The following FMNL2 variants were observed in gnomAD, a reference collection of about 807,000 sequenced individuals.
FMNL2 encodes formin like 2, also known as formin-like protein 2.
In FMNL2, 51 loss-of-function variants were observed where a neutral mutation model predicts 130.2. The observed-to-expected ratio is 0.39, with a 90% CI of 0.31 to 0.49. The LOEUF (loss-of-function observed/expected upper bound fraction) is 0.49, where lower values mean the gene tolerates loss of function less well. FMNL2 is among the 20% of genes least tolerant of loss of function. FMNL2 has a pLI of 0.85. For missense variants in FMNL2, 977 were observed against 1,316.2 expected (o/e 0.74, Z 3.99); for synonymous variants, 465 against 467.1 (o/e 1.00, Z 0.06).
At chr2:152,444,862 A>C (rs1378779284) in intron 1 of FMNL2, among the ~76,000 whole-genome samples, 1 of 152,246 alleles carries the variant, frequency 6.6e-6, no homozygotes, top group Non-Finnish European at 1.5e-5. Flanking sequence ...CATCAATATT[A>C]AAATGTTGCC....
intron 1 of FMNL2, among the ~76,000 whole-genome samples, chr2:152,366,223 C>A (rs1026039361): frequency 7.3e-6 from 1 of 136,858 alleles, no homozygotes; most frequent in Non-Finnish European, 1.5e-5. Context: ...AGAATGAGAA[C>A]AGTGAATTGA....
At chr2:152,569,909 G>A (rs1224960558) in intron 6 of FMNL2, among the ~76,000 whole-genome samples, 3 of 151,656 alleles carry the variant, frequency 2.0e-5, no homozygotes, top group South Asian at 4.2e-4. Context: ...TACTTGGGAG[G>A]CTGAGGCAGG....
In FMNL2 at chr2:152,647,035, G is replaced by A. The variant is rs183812440; in HGVS notation, c.3170-761G>A. Among the ~76,000 whole-genome samples the A allele has an allele frequency of 3.9e-5, 6 of 152,214 alleles. No homozygotes were observed. In the East Asian group the frequency reaches 9.6e-4, roughly 24 times the overall value. On this transcript the variant is annotated intron_variant, in intron 25 of 25. Transcript: ENST00000288670. Reference sequence around the variant, plus strand: ...TAACAAGGATTTTCTTATGCAGGAGGGCCCACACAACTACTTCTTGCTGAC... The same window carrying A: ...TAACAAGGATTTTCTTATGCAGGAGAGCCCACACAACTACTTCTTGCTGAC...
intron 1 of FMNL2, chr2:152,390,351 G>T: frequency 8.9e-7 from 1 of 1,126,828 alleles, no homozygotes. Context: ...CATTGAGGAT[G>T]GCAAGGTGGT....
Position 152,558,357 on chromosome 2 carries a change from C to G in FMNL2, c.360-383C>G, listed in dbSNP as rs565979310. Among the ~76,000 whole-genome samples the G allele has an allele frequency of 5.9e-5, 9 of 152,256 alleles. No homozygotes were observed. In the East Asian group the frequency reaches 1.7e-3, roughly 29 times the overall value. On this transcript the variant is annotated intron_variant, in intron 4 of 25. Coordinates refer to ENST00000288670, the MANE Select transcript of FMNL2 (RefSeq NM_052905.4). ...TTTTTGTGGTTATGTTGTCATGTCC[C>G]CCATCTGCCTCATTGTCCATAGTCT...
intron 9 of FMNL2, among the ~76,000 whole-genome samples, chr2:152,596,565 G>A (rs1181379220): frequency 1.3e-5 from 2 of 152,140 alleles, no homozygotes; most frequent in African/African-American, 4.8e-5. Flanking sequence ...AAATCACTGA[G>A]GTCCCTAAAG....
intron 1 of FMNL2, among the ~76,000 whole-genome samples, chr2:152,366,516 C>G (rs1354241253): frequency 6.6e-6 from 1 of 152,168 alleles, no homozygotes; most frequent in Non-Finnish European, 1.5e-5. Flanking sequence ...GCATTTGCCT[C>G]TGCTGAAGTG....
intron 4 of FMNL2, among the ~76,000 whole-genome samples, chr2:152,554,716 G>A (rs1695114139): frequency 6.6e-6 from 1 of 152,166 alleles, no homozygotes; most frequent in African/African-American, 2.4e-5. Flanking sequence ...AACAAATACT[G>A]TGTTGTCCTT....
intron 1 of FMNL2, among the ~76,000 whole-genome samples, chr2:152,461,973 G>A (rs1689274170): frequency 6.6e-6 from 1 of 151,828 alleles, no homozygotes. Context: ...ACTGCTCACT[G>A]CAGCCTCAAC....
intron 1 of FMNL2, among the ~76,000 whole-genome samples, chr2:152,448,338 T>C (rs1468248049): frequency 3.3e-5 from 5 of 152,190 alleles, no homozygotes; most frequent in Admixed American, 1.3e-4. Context: ...GAAGCAACTT[T>C]TAGGGAGTTG....
At chr2:152,439,079 T>TTG (rs10539703) in intron 1 of FMNL2, among the ~76,000 whole-genome samples, 36,443 of 144,364 alleles carry the variant, frequency 0.25, 4,540 homozygotes, top group East Asian at 0.47. Flanking sequence ...TTCAGTTTAA[T>TTG]TGTGTGTGTG....
At chr2:152,340,484 T>G (rs971102310) in intron 1 of FMNL2, among the ~76,000 whole-genome samples, 3 of 152,248 alleles carry the variant, frequency 2.0e-5, no homozygotes, top group Admixed American at 6.5e-5. Context: ...GCATCTTCAC[T>G]GTGCTCTTCT....
intron 10 of FMNL2, among the ~76,000 whole-genome samples, chr2:152,609,646 T>C (rs1000045503): frequency 2.0e-5 from 3 of 152,234 alleles, no homozygotes; most frequent in Non-Finnish European, 4.4e-5. Context: ...TTTTATTTTT[T>C]TATTTTTTTT....
Position 152,521,966 on chromosome 2 carries a change from C to T in FMNL2, c.141C>T (p.Asp47=), listed in dbSNP as rs1693119754. The T allele has an allele frequency of 6.2e-7, 1 of 1,612,812 alleles. No individual in the cohort carries two copies. The highest frequency in any genetic ancestry group is 1.1e-5 in the South Asian group (1 of 90,830). ...IVLNAMNLPP[D]KARLLRQYDN... Reference sequence around the variant, plus strand: ...AGAATGCTATGAACCTACCTCCTGACAAAGCCAGGTTACTGCGGCAGTATG... The same window carrying T: ...AGAATGCTATGAACCTACCTCCTGATAAAGCCAGGTTACTGCGGCAGTATG... Residue 47 remains aspartate, a synonymous_variant, in exon 2 of 26, where the codon GAC becomes GAT. Transcript: ENST00000288670.
intron 8 of FMNL2, among the ~76,000 whole-genome samples, chr2:152,580,632 C>T (rs934945992): frequency 6.6e-6 from 1 of 152,070 alleles, no homozygotes; most frequent in South Asian, 2.1e-4. Context: ...TTGTTTTTAG[C>T]GTACCAGTAA....
intron 1 of FMNL2, among the ~76,000 whole-genome samples, chr2:152,398,829 A>G (rs998775663): frequency 1.3e-5 from 2 of 152,250 alleles, no homozygotes; most frequent in East Asian, 1.9e-4. Flanking sequence ...AAGGCATAAC[A>G]TGGTACTTAT....
intron 1 of FMNL2, among the ~76,000 whole-genome samples, chr2:152,436,752 T>C (rs1189350068): frequency 2.6e-5 from 4 of 152,144 alleles, no homozygotes; most frequent in Non-Finnish European, 5.9e-5. Context: ...TAGTAATTGA[T>C]AGAAATGGCC....
chr2:152,352,671 C>G (rs1386591327), intron 1 of FMNL2, among the ~76,000 whole-genome samples: 1 of 151,436 alleles, frequency 6.6e-6, no homozygotes, highest in Admixed American at 6.6e-5. Context: ...AGCCACTGTT[C>G]ACTATTGAAA....
At chr2:152,559,909 T>C (rs1331441776) in intron 5 of FMNL2, among the ~76,000 whole-genome samples, 1 of 152,246 alleles carries the variant, frequency 6.6e-6, no homozygotes, top group Non-Finnish European at 1.5e-5. Flanking sequence ...TTTGTGCATC[T>C]ATCTCTGCTA....
Sources: gnomAD v4.1 joint callset for allele counts (sites outside exome capture counted in the v4.1 genomes callset) on GRCh38, gnomAD v4.1.1 for gene constraint, MANE v1.5 for transcripts, NCBI Gene and HGNC (gene_info 2026-07-23, HGNC 2026-07-21) for gene names.